Variants in OVCA2 observed in about 807,000 individuals in gnomAD.
OVCA2 encodes esterase OVCA2.
OVCA2 carries 14 observed loss-of-function variants against 10.1 expected under a neutral mutation model. The ratio of observed to expected loss-of-function variants is 1.39; its 90% CI spans 0.92 to 2.17. OVCA2 has a LOEUF of 2.17. Among genes scored for constraint, OVCA2 ranks in the 30% most tolerant of loss-of-function variants. OVCA2 has a pLI of 0.00. For missense variants in OVCA2, 376 were observed against 300.5 expected, an observed-to-expected ratio of 1.25 and a Z score of -1.86; for synonymous variants, 201 against 134.1, an observed-to-expected ratio of 1.50 and a Z score of -3.45.
chr17:2,043,203 G>C lies in OVCA2; in HGVS notation c.*99G>C. 2 of 1,371,076 alleles carry C rather than the reference G, an allele frequency of 1.5e-6. No homozygotes were observed. The highest frequency in any genetic ancestry group is 2.0e-6 in the Non-Finnish European group (2 of 1,003,998). The allele number at this position is 1,371,076 out of a possible 1,614,324, so 84.9% of individuals were successfully genotyped here. ...ACCCTCCACTCACTGCTGTGAGTGCGCCTCACCAGAACCAGTTAAGAGACA... is the reference window on the plus strand; with the variant it reads ...ACCCTCCACTCACTGCTGTGAGTGCCCCTCACCAGAACCAGTTAAGAGACA... On this transcript the variant is annotated 3_prime_UTR_variant, in exon 2 of 2. Transcript: ENST00000572195.
In OVCA2 at chr17:2,042,029, T is replaced by G. The variant is rs1264944385; in HGVS notation, c.-19T>G. On this transcript the variant is annotated 5_prime_UTR_variant, in exon 1 of 2. Coordinates refer to ENST00000572195, the MANE Select transcript of OVCA2 (RefSeq NM_080822.3). ...GGAAAGACCGCTTCCGGTGCTTCCG[T>G]CGCTCCTTGCCGGGCATAATGGCCG... The G allele has an allele frequency of 1.3e-6, 2 of 1,501,434 alleles. No homozygotes were observed. Among genetic ancestry groups the G allele is most frequent in the South Asian group, 2.5e-5 (2 of 81,216 alleles). The allele number at this position is 1,501,434 out of a possible 1,614,324, so 93.0% of individuals were successfully genotyped here.
In OVCA2 at chr17:2,042,044, C is replaced by T; in HGVS notation, c.-4C>T. Reference sequence around the variant, plus strand: ...GGTGCTTCCGTCGCTCCTTGCCGGGCATAATGGCCGCGCAGCGACCCCTGC... The same window carrying T: ...GGTGCTTCCGTCGCTCCTTGCCGGGTATAATGGCCGCGCAGCGACCCCTGC... On this transcript the variant is annotated 5_prime_UTR_variant, in exon 1 of 2. Coordinates refer to ENST00000572195, the MANE Select transcript of OVCA2 (RefSeq NM_080822.3). 1.3e-6 allele frequency: 2 copies of T among 1,520,374 alleles called. No homozygotes were observed. Among genetic ancestry groups the T allele is most frequent in the Non-Finnish European group, 1.8e-6 (2 of 1,140,656 alleles). The allele number at this position is 1,520,374 out of a possible 1,614,324, so 94.2% of individuals were successfully genotyped here.
At chr17:2,042,457 C>G in intron 1 of OVCA2, 148 bp from the exon 2 acceptor site, 3 of 1,292,540 alleles carry the variant, frequency 2.3e-6, no homozygotes, top group Non-Finnish European at 2.0e-6. Flanking sequence ...GGCCAATCCA[C>G]TCATTTCCCC....
chr17:2,042,419 A>G lies in OVCA2; in HGVS notation c.185-186A>G, dbSNP rs909172020. The G allele has an allele frequency of 3.2e-5, 40 of 1,247,666 alleles. 2 individuals carry two copies. In the African/African-American group the frequency reaches 5.3e-4, roughly 17 times the overall value. The allele number at this position is 1,247,666 out of a possible 1,614,324, so 77.3% of individuals were successfully genotyped here. On this transcript the variant is annotated intron_variant, in intron 1 of 1. Transcript: ENST00000572195. ...CCTGTCCTCCCAGGCTTCCGCCTTCACCGTCTTCCTCCGCTGTCTCCTGTT... is the reference window on the plus strand; with the variant it reads ...CCTGTCCTCCCAGGCTTCCGCCTTCGCCGTCTTCCTCCGCTGTCTCCTGTT...
In OVCA2 at chr17:2,042,053, C is replaced by T. The variant is rs201424118; in HGVS notation, c.6C>T (p.Ala2=). Residue 2 remains alanine, a synonymous_variant, in exon 1 of 2, where the codon GCC becomes GCT. Transcript: ENST00000572195. M[A]AQRPLRVLCL... ...GTCGCTCCTTGCCGGGCATAATGGC[C>T]GCGCAGCGACCCCTGCGGGTCCTGT... 3.5e-3 allele frequency: 5,357 copies of T among 1,529,268 alleles called. 19 individuals are homozygous for T. The highest frequency in any genetic ancestry group is 4.0e-3 in the Non-Finnish European group (4,635 of 1,145,930). 94.7% of individuals were successfully genotyped at this position (1,529,268 alleles called of 1,614,324 possible). A position where few individuals can be genotyped will look rare whatever the true frequency, so the allele number is the denominator to read the frequency against.
At position 2,042,801 on chromosome 17, in the gene OVCA2, T is replaced by C; in HGVS notation, c.381T>C (p.Leu127=). Residue 127 remains leucine (L), a synonymous_variant, in exon 2 of 2, where the codon CTT becomes CTC. Transcript: ENST00000572195. The stretch of plus-strand genomic sequence containing the variant: ...GCCAAGGGGCTGCGCTAGCAGCCCT[T>C]GTGTGTGCCCTGGGCCAGGCAGGCG... The part of the protein sequence containing the change: ...GFSQGAALAA[L]VCALGQAGDP... The C allele has an allele frequency of 6.2e-7, 1 of 1,613,938 alleles. No homozygotes were observed. Among genetic ancestry groups the C allele is most frequent in the Non-Finnish European group, 8.5e-7 (1 of 1,179,990 alleles).
At chr17:2,042,369 C>T (rs1383954023) in intron 1 of OVCA2, 138 bp downstream of exon 1, 3 of 1,323,608 alleles carry the variant, frequency 2.3e-6, no homozygotes, top group Admixed American at 3.6e-5. Flanking sequence ...TCTCGCGACC[C>T]ATACCCTCTT....
rs777367958 is a variant in OVCA2 at position 2,042,592 on chromosome 17, C to T, written c.185-13C>T. On this transcript the variant is annotated splice_polypyrimidine_tract_variant and intron_variant, in intron 1 of 1. Coordinates refer to ENST00000572195, the MANE Select transcript of OVCA2 (RefSeq NM_080822.3). ...ATGCCCTAATCCCATCCTTTTTCCT[C>T]ATATCGCTGTAGGGTCCTGCCCTCC... is the stretch of plus-strand genomic sequence containing the variant. 10 of 1,508,908 alleles carry T rather than the reference C, an allele frequency of 6.6e-6. No individual in the cohort carries two copies. Among genetic ancestry groups the T allele is most frequent in the Non-Finnish European group, 8.8e-6 (10 of 1,130,596 alleles). 93.5% of individuals were successfully genotyped at this position (1,508,908 alleles called of 1,614,324 possible). A position where few individuals can be genotyped will look rare whatever the true frequency, so the allele number is the denominator to read the frequency against.
At chr17:2,042,336 C>T (rs1167224254) in intron 1 of OVCA2, 105 bp downstream of exon 1, 1 of 1,363,706 alleles carries the variant, frequency 7.3e-7, no homozygotes. Flanking sequence ...CGCATTCCTC[C>T]CACCCAGTCC....
Position 2,043,233 on chromosome 17 carries a change from T to A in OVCA2, c.*129T>A. 8.4e-7 allele frequency: 1 copy of A among 1,196,688 alleles called. No homozygotes were observed. Among genetic ancestry groups the A allele is most frequent in the Non-Finnish European group, 1.2e-6 (1 of 860,828 alleles). 74.1% of individuals were successfully genotyped at this position (1,196,688 alleles called of 1,614,324 possible). ...ACCAGAACCAGTTAAGAGACAACTA[T>A]CAATTCTTGAGACCCAAATTATAAG... is the stretch of plus-strand genomic sequence containing the variant. On this transcript the variant is annotated 3_prime_UTR_variant, in exon 2 of 2. Transcript: ENST00000572195.
rs2067562085 is a variant in OVCA2, at chr17:2,042,592, CAT to C, written c.185-10_185-9del. 3 of 1,508,908 alleles carry C rather than the reference CAT, an allele frequency of 2.0e-6. No individual in the cohort carries two copies. Among genetic ancestry groups the C allele is most frequent in the Non-Finnish European group, 2.7e-6 (3 of 1,130,596 alleles). 93.5% of individuals were successfully genotyped at this position (1,508,908 alleles called of 1,614,324 possible). On this transcript the variant is annotated splice_polypyrimidine_tract_variant and intron_variant, in intron 1 of 1. Transcript: ENST00000572195. ...ATGCCCTAATCCCATCCTTTTTCCT[CAT>C]ATCGCTGTAGGGTCCTGCCCTCCGG...
Position 2,042,591 on chromosome 17 carries a change from T to G in OVCA2, c.185-14T>G. On this transcript the variant is annotated splice_polypyrimidine_tract_variant and intron_variant, in intron 1 of 1. Transcript: ENST00000572195. ...CATGCCCTAATCCCATCCTTTTTCCTCATATCGCTGTAGGGTCCTGCCCTC... is the reference window on the plus strand; with the variant it reads ...CATGCCCTAATCCCATCCTTTTTCCGCATATCGCTGTAGGGTCCTGCCCTC... 6.6e-7 allele frequency: 1 copy of G among 1,509,008 alleles called. No individual in the cohort carries two copies. Among genetic ancestry groups the G allele is most frequent in the Non-Finnish European group, 8.8e-7 (1 of 1,130,648 alleles). The allele number at this position is 1,509,008 out of a possible 1,614,324, so 93.5% of individuals were successfully genotyped here.
Position 2,042,705 on chromosome 17 carries a change from G to A in OVCA2, c.285G>A (p.Leu95=). 1.3e-6 allele frequency: 2 copies of A among 1,552,286 alleles called. No homozygotes were observed. The highest frequency in any genetic ancestry group is 1.7e-6 in the Non-Finnish European group (2 of 1,152,502). Reference sequence around the variant, plus strand: ...AAGAGCCCGCCGTCTGCAGGGGCCTGGAGGAATCACTGGGGATGGTGGCAC... The same window carrying A: ...AAGAGCCCGCCGTCTGCAGGGGCCTAGAGGAATCACTGGGGATGGTGGCAC... ...ALEEPAVCRG[L]EESLGMVAQA... The change falls in exon 2 of 2, where the codon CTG becomes CTA. Residue 95 remains leucine (L), a synonymous_variant. Coordinates refer to ENST00000572195, the MANE Select transcript of OVCA2 (RefSeq NM_080822.3).
rs188768719 is a variant in OVCA2 at position 2,042,724 on chromosome 17, G to A, written c.304G>A (p.Val102Met). 6.4e-7 allele frequency: 1 copy of A among 1,565,940 alleles called. No homozygotes were observed. Among genetic ancestry groups the A allele is most frequent in the Admixed American group, 1.9e-5 (1 of 51,342 alleles). ...CRGLEESLGM[V>M]AQALNRLGPF... ...GGGCCTGGAGGAATCACTGGGGATGGTGGCACAGGCACTGAACAGGCTGGG... is the reference window on the plus strand; with the variant it reads ...GGGCCTGGAGGAATCACTGGGGATGATGGCACAGGCACTGAACAGGCTGGG... Residue 102 changes from valine to methionine, a missense_variant, in exon 2 of 2, where the codon GTG (valine) becomes ATG (methionine). By Grantham distance (21) the Val-to-Met change is conservative. Transcript: ENST00000572195.
rs967837842 is a variant in OVCA2 at position 2,042,983 on chromosome 17, T to C, written c.563T>C (p.Val188Ala). The C allele has an allele frequency of 6.2e-7, 1 of 1,614,116 alleles. No individual in the cohort carries two copies. Among genetic ancestry groups the C allele is most frequent in the South Asian group, 1.1e-5 (1 of 91,090 alleles). The change falls in exon 2 of 2, where the codon GTG becomes GCG. Residue 188 changes from valine to alanine, a missense_variant. By Grantham distance (64) the Val-to-Ala change is moderately conservative. Transcript: ENST00000572195. ...TDKVIPSQES[V>A]QLASQFPGAI... is the part of the protein sequence containing the mutation. Reference sequence around the variant, plus strand: ...AAAGTCATCCCCTCTCAGGAGAGTGTGCAACTGGCCAGCCAATTTCCCGGA... The same window carrying C: ...AAAGTCATCCCCTCTCAGGAGAGTGCGCAACTGGCCAGCCAATTTCCCGGA...
intron 1 of OVCA2, 40 bp from the exon 2 acceptor site, chr17:2,042,565 C>T (rs1372144098): frequency 2.7e-6 from 4 of 1,498,204 alleles, no homozygotes; most frequent in Non-Finnish European, 3.6e-6. Flanking sequence ...CTGGAGCCTC[C>T]CATGCCCTAA....
In OVCA2 at chr17:2,043,389, C is replaced by G; in HGVS notation, c.*285C>G. ...GACATGGGGAAGGCAGAGGCTGGCA[C>G]CATGGTGACTGCCACATAATAAAGT... is the stretch of plus-strand genomic sequence containing the variant. On this transcript the variant is annotated 3_prime_UTR_variant, in exon 2 of 2. Coordinates refer to ENST00000572195, the MANE Select transcript of OVCA2 (RefSeq NM_080822.3). 3 of 384,276 alleles carry G rather than the reference C, an allele frequency of 7.8e-6. No homozygotes were observed. Among genetic ancestry groups the G allele is most frequent in the Non-Finnish European group, 1.4e-5 (3 of 213,546 alleles). 23.8% of individuals were successfully genotyped at this position (384,276 alleles called of 1,614,324 possible).
chr17:2,042,282 C>A, intron 1 of OVCA2, 51 bp downstream of exon 1: 1 of 1,399,240 alleles, frequency 7.1e-7, no homozygotes, highest in Non-Finnish European at 9.2e-7. Flanking sequence ...CATCTTGTTT[C>A]GTCCCCCTCG....
At position 2,042,187 on chromosome 17, in the gene OVCA2, C is replaced by G; in HGVS notation, c.140C>G (p.Pro47Arg). 1 of 1,436,748 alleles carries G rather than the reference C, an allele frequency of 7.0e-7. No individual in the cohort carries two copies. Among genetic ancestry groups the G allele is most frequent in the South Asian group, 1.4e-5 (1 of 70,200 alleles). The allele number at this position is 1,436,748 out of a possible 1,614,324, so 89.0% of individuals were successfully genotyped here. ...CTCGTGTGCCTCAGCGGCCCGCACC[C>G]GGTCCCCGACCCCCCGGGCCCCGAG... Reference protein sequence around the residue: ...AELVCLSGPHPVPDPPGPEGA... With the variant: ...AELVCLSGPHRVPDPPGPEGA... Residue 47 changes from proline to arginine, a missense_variant, in exon 1 of 2, where the codon CCG (proline) becomes CGG (arginine). Pro to Arg is a moderately radical substitution (Grantham distance 103, BLOSUM62 -2). Coordinates refer to ENST00000572195, the MANE Select transcript of OVCA2 (RefSeq NM_080822.3).
Sources: allele counts gnomAD v4.1 joint callset, GRCh38; gene constraint gnomAD v4.1.1; transcripts MANE v1.5; gene names NCBI Gene and HGNC (gene_info 2026-07-23, HGNC 2026-07-21).